The following MAP2K5 variants were observed in gnomAD, a reference collection of about 807,000 sequenced individuals.
MAP2K5 encodes the protein mitogen-activated protein kinase kinase 5.
A neutral mutation model predicts 83.1 loss-of-function variants in MAP2K5; 49 were observed. The observed-to-expected ratio is 0.59, with a 90% CI of 0.47 to 0.75. The LOEUF (loss-of-function observed/expected upper bound fraction) is 0.75, where lower values mean the gene tolerates loss of function less well. Among genes scored for constraint, MAP2K5 ranks in the 30% least tolerant of loss-of-function variants. MAP2K5 has a pLI of 0.00. For missense variants in MAP2K5, 457 were observed against 557.5 expected, an observed-to-expected ratio of 0.82 and a Z score of 1.82; for synonymous variants, 202 against 191.8, an observed-to-expected ratio of 1.05 and a Z score of -0.44.
In MAP2K5 at chr15:67,757,704, T is replaced by A. The variant is rs2089867320; in HGVS notation, c.1134+9103T>A. 6.6e-6 allele frequency among the ~76,000 whole-genome samples: 1 copy of A among 151,974 alleles called. No homozygotes were observed. Among genetic ancestry groups the A allele is most frequent in the African/African-American group, 2.4e-5 (1 of 41,360 alleles). ...ATCACTAAACTGCAGGTAATGTAAGTGATACGAGACTTGATGGCCTGGGCT... is the reference window on the plus strand; with the variant it reads ...ATCACTAAACTGCAGGTAATGTAAGAGATACGAGACTTGATGGCCTGGGCT... On this transcript the variant is annotated intron_variant, in intron 19 of 21. Coordinates refer to ENST00000178640, the MANE Select transcript of MAP2K5 (RefSeq NM_145160.3). This position sits in a 1 kb window ranked among gnomAD's most constrained non-coding sequence, Gnocchi z 4.9.
intron 3 of MAP2K5, among the ~76,000 whole-genome samples, chr15:67,580,468 C>T (rs908828207): frequency 2.6e-5 from 4 of 152,058 alleles, no homozygotes; most frequent in South Asian, 2.1e-4. Context: ...CTTTATGTGT[C>T]GTCTAAATAT....
chr15:67,709,038 A>G (rs554606539), intron 16 of MAP2K5, among the ~76,000 whole-genome samples: 2 of 152,298 alleles, frequency 1.3e-5, no homozygotes, highest in South Asian at 4.1e-4. Context: ...AAGATTATTC[A>G]CCTTGACTGA....
At chr15:67,590,438 C>CTCTCT (rs1567294574) in intron 6 of MAP2K5, among the ~76,000 whole-genome samples, 21 of 67,316 alleles carry the variant, frequency 3.1e-4, no homozygotes, top group African/African-American at 1.2e-3. Flanking sequence ...TCTCTCTCTC[C>CTCTCT]CTCCCTCCCT....
At chr15:67,623,912 A>G (rs1254530184) in intron 8 of MAP2K5, among the ~76,000 whole-genome samples, 4 of 151,316 alleles carry the variant, frequency 2.6e-5, no homozygotes, top group African/African-American at 9.7e-5. Context: ...CTACCTTCCT[A>G]ACATTTAATT....
intron 13 of MAP2K5, 66 bp from the exon 14 acceptor site, chr15:67,692,413 C>A: frequency 2.7e-6 from 3 of 1,125,116 alleles, no homozygotes; most frequent in Non-Finnish European, 2.7e-6. Context: ...TGCATGTGTG[C>A]TTTTAAAGAA....
chr15:67,739,451 T>C (rs936499190), intron 17 of MAP2K5, among the ~76,000 whole-genome samples: 2 of 15,444 alleles, frequency 1.3e-4, no homozygotes, highest in Non-Finnish European at 2.2e-4. Flanking sequence ...TATATATATA[T>C]ATATATATAT....
At chr15:67,591,962 T>C (rs1369464052) in intron 6 of MAP2K5, among the ~76,000 whole-genome samples, 1 of 151,520 alleles carries the variant, frequency 6.6e-6, no homozygotes, top group African/African-American at 2.4e-5. Context: ...AAATACAAAA[T>C]TAGCCAGGCA....
rs1398720850 is a variant in MAP2K5 at position 67,637,782 on chromosome 15, C to G, written c.585+6855C>G. Among the ~76,000 whole-genome samples, 1 of 152,006 alleles carries G rather than the reference C, an allele frequency of 6.6e-6. No individual in the cohort carries two copies. Among genetic ancestry groups the G allele is most frequent in the African/African-American group, 2.4e-5 (1 of 41,366 alleles). Reference sequence around the variant, plus strand: ...GCTTATCTCTGCCTGGTTTCCCCTCCCTGCACTGAGGCCTGGGAACTCTCT... The same window carrying G: ...GCTTATCTCTGCCTGGTTTCCCCTCGCTGCACTGAGGCCTGGGAACTCTCT... On this transcript the variant is annotated intron_variant, in intron 9 of 21. Coordinates refer to ENST00000178640, the MANE Select transcript of MAP2K5 (RefSeq NM_145160.3). This position sits in a 1 kb window ranked among gnomAD's most constrained non-coding sequence, Gnocchi z 4.5.
Position 67,748,447 on chromosome 15 carries a change from G to C in MAP2K5, c.1102-122G>C. 1 of 892,874 alleles carries C rather than the reference G, an allele frequency of 1.1e-6. No homozygotes were observed. The highest frequency in any genetic ancestry group is 1.8e-6 in the Non-Finnish European group (1 of 565,514). The allele number at this position is 892,874 out of a possible 1,614,324, so 55.3% of individuals were successfully genotyped here. A position where few individuals can be genotyped will look rare whatever the true frequency, so the allele number is the denominator to read the frequency against. ...CTCCTGAGCATCAATGTTTTTATAA[G>C]AGTTTGCTGTTGTTGATTAATCTTG... On this transcript the variant is annotated intron_variant, in intron 18 of 21. Transcript: ENST00000178640. This position sits in a 1 kb window ranked among gnomAD's most constrained non-coding sequence, Gnocchi z 4.0.
intron 13 of MAP2K5, among the ~76,000 whole-genome samples, chr15:67,670,882 C>G (rs765456923): frequency 5.3e-5 from 8 of 152,172 alleles, no homozygotes; most frequent in Non-Finnish European, 7.4e-5. Flanking sequence ...TTGGACAGTT[C>G]TTTCTGTAGT....
At chr15:67,614,949 A>G (rs1309475167) in intron 8 of MAP2K5, among the ~76,000 whole-genome samples, 1 of 152,162 alleles carries the variant, frequency 6.6e-6, no homozygotes, top group African/African-American at 2.4e-5. Context: ...CTGTGACCTC[A>G]TAACATATTT....
chr15:67,762,565 C>CAAAAAAAAAAAAAAAAA, intron 19 of MAP2K5, among the ~76,000 whole-genome samples: 1 of 119,916 alleles, frequency 8.3e-6, no homozygotes, highest in Non-Finnish European at 1.7e-5. Flanking sequence ...AAATGACAGA[C>CAAAAAAAAAAAAAAAAA]AAAAAAAAAA....
Position 67,543,630 on chromosome 15 carries a change from A to C in MAP2K5, c.135+160A>C, listed in dbSNP as rs1268109228. 6.6e-6 allele frequency among the ~76,000 whole-genome samples: 1 copy of C among 152,166 alleles called. No individual in the cohort carries two copies. The highest frequency in any genetic ancestry group is 1.5e-5 in the Non-Finnish European group (1 of 68,016). The stretch of plus-strand genomic sequence containing the variant: ...TCAGGCACAGCATTGATAAATTGCA[A>C]CCACTAAAACCTGGCAAATGTCTAG... On this transcript the variant is annotated intron_variant, in intron 1 of 21. Transcript: ENST00000178640. This position sits in a 1 kb window ranked among gnomAD's most constrained non-coding sequence, Gnocchi z 4.3.
intron 16 of MAP2K5, among the ~76,000 whole-genome samples, chr15:67,726,174 C>G (rs1566943794): frequency 1.3e-5 from 2 of 152,108 alleles, no homozygotes; most frequent in South Asian, 4.1e-4. Context: ...GGTAATGAAA[C>G]TAGGTATTCT....
Position 67,652,085 on chromosome 15 carries a change from T to C in MAP2K5, c.736+5616T>C, listed in dbSNP as rs2141129592. 6.6e-6 allele frequency among the ~76,000 whole-genome samples: 1 copy of C among 152,302 alleles called. No individual in the cohort carries two copies. The highest frequency in any genetic ancestry group is 2.4e-5 in the African/African-American group (1 of 41,562). ...GCTGGAGTGAGAGGATATCTCACTG[T>C]GGTTTTGATTTGCATTTCCCTGGTG... On this transcript the variant is annotated intron_variant, in intron 11 of 21. Coordinates refer to ENST00000178640, the MANE Select transcript of MAP2K5 (RefSeq NM_145160.3). This position sits in a 1 kb window ranked among gnomAD's most constrained non-coding sequence, Gnocchi z 4.2.
At chr15:67,732,965 G>C (rs767422577) in intron 17 of MAP2K5, among the ~76,000 whole-genome samples, 6 of 152,150 alleles carry the variant, frequency 3.9e-5, no homozygotes, top group East Asian at 1.9e-4. Context: ...GGGGAGGGGG[G>C]GCTTAACAGC....
At chr15:67,583,568 T>C (rs568024726) in intron 4 of MAP2K5, among the ~76,000 whole-genome samples, 55 of 152,306 alleles carry the variant, frequency 3.6e-4, no homozygotes, top group Non-Finnish European at 5.6e-4. Flanking sequence ...TTATCATATG[T>C]AGATAAGTGA....
chr15:67,670,217 A>G (rs1298035825), intron 13 of MAP2K5, among the ~76,000 whole-genome samples: 2 of 152,194 alleles, frequency 1.3e-5, no homozygotes, highest in African/African-American at 2.4e-5. Context: ...TTCCACTTAT[A>G]TGACATTCTG....
At chr15:67,610,003 C>A (rs1197315631) in intron 8 of MAP2K5, among the ~76,000 whole-genome samples, 1 of 152,096 alleles carries the variant, frequency 6.6e-6, no homozygotes, top group Non-Finnish European at 1.5e-5. Flanking sequence ...GTATGTTACC[C>A]TCTTTTTACT....
Sources: allele counts gnomAD v4.1 joint callset (sites outside exome capture counted in the v4.1 genomes callset), GRCh38; gene constraint gnomAD v4.1.1; non-coding constraint Gnocchi (gnomAD v3.1); transcripts MANE v1.5; gene names NCBI Gene and HGNC (gene_info 2026-07-23, HGNC 2026-07-21).